The following ETNK1 variants were observed in gnomAD, a reference collection of about 807,000 sequenced individuals.
ETNK1 encodes the protein ethanolamine kinase 1.
ETNK1 carries 8 observed loss-of-function variants against 45.1 expected under a neutral mutation model. That is an observed-to-expected ratio of 0.18 (90% CI 0.10 to 0.32). The LOEUF is 0.32. Ranked by LOEUF, ETNK1 falls within the 10% of genes least tolerant of loss-of-function variation. The probability of loss-of-function intolerance (pLI) is 1.00; values close to 1 mark genes in which losing one functional copy is unlikely to be tolerated. For missense variants in ETNK1, 302 were observed against 430.6 expected (o/e 0.70, Z 2.64); for synonymous variants, 152 against 151.9 (o/e 1.00, Z -0.01).
In ETNK1 at chr12:22,690,107, T is replaced by C. The variant is rs949403163; in HGVS notation, c.*5153T>C. 1 of 152,496 alleles carries C rather than the reference T, an allele frequency of 6.6e-6. No individual in the cohort carries two copies. Among genetic ancestry groups the C allele is most frequent in the African/African-American group, 2.4e-5 (1 of 41,458 alleles). The allele number at this position is 152,496 out of a possible 1,614,324, so 9.4% of individuals were successfully genotyped here. A position where few individuals can be genotyped will look rare whatever the true frequency, so the allele number is the denominator to read the frequency against. The stretch of plus-strand genomic sequence containing the variant: ...GTTAGCTTTATGTTGAATTGGGAAA[T>C]TGTGGCATAAAGCTTAAATTCGTGT... On this transcript the variant is annotated 3_prime_UTR_variant, in exon 8 of 8. Coordinates refer to ENST00000266517, the MANE Select transcript of ETNK1 (RefSeq NM_018638.5).
intron 1 of ETNK1, among the ~76,000 whole-genome samples, chr12:22,631,177 CTT>C (rs57393625): frequency 1.1e-4 from 15 of 141,356 alleles, no homozygotes; most frequent in African/African-American, 1.0e-4. Context: ...GGTAAGTACT[CTT>C]TTTTTTTTTT....
In ETNK1 at chr12:22,625,415, C is replaced by G; in HGVS notation, c.-16C>G. 9 of 1,571,162 alleles carry G rather than the reference C, an allele frequency of 5.7e-6. No homozygotes were observed. The highest frequency in any genetic ancestry group is 7.8e-6 in the Non-Finnish European group (9 of 1,160,832). ...TCGCCGTCGTCGTGGTGGTAGTCTC[C>G]GCCGTCGCCTGGGCCATGGCCAATT... On this transcript the variant is annotated 5_prime_UTR_variant, in exon 1 of 8. Coordinates refer to ENST00000266517, the MANE Select transcript of ETNK1 (RefSeq NM_018638.5).
At chr12:22,626,847 A>G (rs1454590456) in intron 1 of ETNK1, among the ~76,000 whole-genome samples, 1 of 152,250 alleles carries the variant, frequency 6.6e-6, no homozygotes, top group Non-Finnish European at 1.5e-5. Context: ...CATTTAAAAA[A>G]TATATTTCCT....
intron 6 of ETNK1, among the ~76,000 whole-genome samples, chr12:22,674,565 G>A (rs1592135790): frequency 1.3e-5 from 2 of 152,120 alleles, no homozygotes; most frequent in African/African-American, 4.8e-5. Flanking sequence ...CTCTACAGCT[G>A]GTCCTAGGAT....
chr12:22,671,449 A>ACATTTTCC, intron 5 of ETNK1, 94 bp downstream of exon 5: 1 of 832,502 alleles, frequency 1.2e-6, no homozygotes. Flanking sequence ...AGCAGGGGGA[A>ACATTTTCC]CATTTTCCCA....
chr12:22,658,550 C>T (rs1953967406), intron 2 of ETNK1, among the ~76,000 whole-genome samples: 1 of 152,146 alleles, frequency 6.6e-6, no homozygotes, highest in South Asian at 2.1e-4. Context: ...GGCTGACTTT[C>T]TTCAGAATCA....
At chr12:22,670,541 CTA>C (rs1954097740) in intron 4 of ETNK1, among the ~76,000 whole-genome samples, 1 of 151,998 alleles carries the variant, frequency 6.6e-6, no homozygotes, top group South Asian at 2.1e-4. Flanking sequence ...AATGACATGC[CTA>C]TATATGTAGC....
At chr12:22,630,695 C>T (rs181485475) in intron 1 of ETNK1, among the ~76,000 whole-genome samples, 2 of 152,200 alleles carry the variant, frequency 1.3e-5, no homozygotes, top group East Asian at 1.9e-4. Context: ...ACTGCAACCT[C>T]CGTTTCCCAG....
Position 22,625,314 on chromosome 12 carries a change from C to G in ETNK1, c.-117C>G. 3 of 1,602,526 alleles carry G rather than the reference C, an allele frequency of 1.9e-6. No homozygotes were observed. Among genetic ancestry groups the G allele is most frequent in the Non-Finnish European group, 2.6e-6 (3 of 1,175,700 alleles). Reference sequence around the variant, plus strand: ...CGCTCGCCCGCCCGTCCCAGCGCCCCCAGCCCTCCCGCGAGGGCGCCCCGG... The same window carrying G: ...CGCTCGCCCGCCCGTCCCAGCGCCCGCAGCCCTCCCGCGAGGGCGCCCCGG... On this transcript the variant is annotated 5_prime_UTR_variant, in exon 1 of 8. Coordinates refer to ENST00000266517, the MANE Select transcript of ETNK1 (RefSeq NM_018638.5).
intron 6 of ETNK1, among the ~76,000 whole-genome samples, chr12:22,676,023 A>C (rs1411245045): frequency 6.6e-6 from 1 of 152,158 alleles, no homozygotes; most frequent in Non-Finnish European, 1.5e-5. Context: ...ATTTTTTATT[A>C]TTATACTTTA....
At chr12:22,645,460 A>G (rs576063071) in intron 2 of ETNK1, among the ~76,000 whole-genome samples, 17 of 151,954 alleles carry the variant, frequency 1.1e-4, no homozygotes, top group African/African-American at 3.9e-4. Flanking sequence ...TGTTATAAAC[A>G]TGTTTTCAGT....
chr12:22,683,084 A>G (rs1954228436), intron 6 of ETNK1, among the ~76,000 whole-genome samples: 1 of 152,200 alleles, frequency 6.6e-6, no homozygotes, highest in Non-Finnish European at 1.5e-5. Context: ...ATTATGACCT[A>G]CATTTTACAG....
intron 2 of ETNK1, among the ~76,000 whole-genome samples, chr12:22,654,729 G>C (rs1419668999): frequency 6.6e-6 from 1 of 152,026 alleles, no homozygotes. Context: ...TATTATTATT[G>C]CTATTCTATT....
chr12:22,683,052 T>G (rs1399192420), intron 6 of ETNK1, among the ~76,000 whole-genome samples: 1 of 152,202 alleles, frequency 6.6e-6, no homozygotes, highest in Non-Finnish European at 1.5e-5. Flanking sequence ...TGAATATTTG[T>G]TATATGCCAG....
chr12:22,630,111 A>G (rs1264841714), intron 1 of ETNK1, among the ~76,000 whole-genome samples: 1 of 152,206 alleles, frequency 6.6e-6, no homozygotes. Flanking sequence ...TGGAAAGAGG[A>G]TGGTTTTTGA....
At chr12:22,658,266 C>T (rs115718563) in intron 2 of ETNK1, among the ~76,000 whole-genome samples, 79 of 152,208 alleles carry the variant, frequency 5.2e-4, no homozygotes, top group African/African-American at 1.8e-3. Flanking sequence ...GAAGGACCTC[C>T]AGCCTAGGAG....
chr12:22,656,227 AT>A (rs1953939219), intron 2 of ETNK1, among the ~76,000 whole-genome samples: 1 of 152,216 alleles, frequency 6.6e-6, no homozygotes, highest in Non-Finnish European at 1.5e-5. Context: ...AATTCAGGTA[AT>A]TTAAAAACTG....
At chr12:22,653,058 A>G (rs1235613116) in intron 2 of ETNK1, among the ~76,000 whole-genome samples, 1 of 152,098 alleles carries the variant, frequency 6.6e-6, no homozygotes, top group Non-Finnish European at 1.5e-5. Context: ...GGATGTGGAT[A>G]TCTAGTTTTC....
chr12:22,671,425 G>A (rs1954105708), intron 5 of ETNK1, 70 bp downstream of exon 5: 3 of 1,044,780 alleles, frequency 2.9e-6, no homozygotes, highest in African/African-American at 3.2e-5. Context: ...TTTTTTTAAA[G>A]TAGATAAACC....
Sources: allele counts gnomAD v4.1 joint callset (sites outside exome capture counted in the v4.1 genomes callset), GRCh38; gene constraint gnomAD v4.1.1; transcripts MANE v1.5; gene names NCBI Gene and HGNC (gene_info 2026-07-23, HGNC 2026-07-21).